HIBADH: variants seen among roughly 807,000 people sequenced by gnomAD.
The protein encoded by HIBADH is 3-hydroxyisobutyrate dehydrogenase, mitochondrial.
HIBADH carries 25 observed loss-of-function variants against 36.1 expected under a neutral mutation model. That is an observed-to-expected ratio of 0.69 (90% CI 0.50 to 0.97). The LOEUF (loss-of-function observed/expected upper bound fraction) is 0.97, where lower values mean the gene tolerates loss of function less well. Among genes scored for constraint, HIBADH ranks in the 50% least tolerant of loss-of-function variants. The pLI, the probability that HIBADH is intolerant of heterozygous loss-of-function variation, is 0.00. For synonymous variants in HIBADH, 160 were observed against 149.5 expected, an observed-to-expected ratio of 1.07 and a Z score of -0.51; for missense variants, 421 against 418.0, an observed-to-expected ratio of 1.01 and a Z score of -0.06.
At chr7:27,572,612 A>T (rs1784645072) in intron 4 of HIBADH, among the ~76,000 whole-genome samples, 1 of 152,228 alleles carries the variant, frequency 6.6e-6, no homozygotes, top group Admixed American at 6.5e-5. Flanking sequence ...GTTAATGAAG[A>T]CTTTCCATGA....
intron 3 of HIBADH, among the ~76,000 whole-genome samples, chr7:27,629,746 T>C (rs1785714408): frequency 6.6e-6 from 1 of 152,192 alleles, no homozygotes; most frequent in South Asian, 2.1e-4. Flanking sequence ...CTACATGGTA[T>C]AAATTCTGAT....
intron 6 of HIBADH, among the ~76,000 whole-genome samples, chr7:27,536,131 C>T (rs927162277): frequency 5.9e-5 from 9 of 152,046 alleles, no homozygotes; most frequent in African/African-American, 9.7e-5. Context: ...AAATCGTGGC[C>T]GTTCTCTATA....
intron 1 of HIBADH, among the ~76,000 whole-genome samples, chr7:27,651,860 T>A (rs140881393): frequency 6.6e-4 from 101 of 152,160 alleles, no homozygotes; most frequent in African/African-American, 2.3e-3. Flanking sequence ...ACAATGCTGA[T>A]GAAAAATGAG....
intron 4 of HIBADH, among the ~76,000 whole-genome samples, chr7:27,551,669 G>T (rs991254439): frequency 1.3e-5 from 2 of 152,158 alleles, no homozygotes; most frequent in East Asian, 1.9e-4. Context: ...TAGAAAGAAG[G>T]CTTCAAATCC....
chr7:27,633,543 C>G (rs1583610529), intron 2 of HIBADH, among the ~76,000 whole-genome samples: 1 of 152,200 alleles, frequency 6.6e-6, no homozygotes, highest in East Asian at 1.9e-4. Context: ...CCAGTAGTCC[C>G]AGCTCCTTGG....
intron 4 of HIBADH, among the ~76,000 whole-genome samples, chr7:27,621,986 C>CCCAGCACTTTGGGAGG (rs200143898): frequency 6.6e-6 from 1 of 151,892 alleles, no homozygotes; most frequent in African/African-American, 2.4e-5. Flanking sequence ...TGGCTGTAAT[C>CCCAGCACTTTGGGAGG]CCAGCACTTT....
chr7:27,547,566 GACA>G (rs1432109535), intron 4 of HIBADH, among the ~76,000 whole-genome samples: 1 of 152,140 alleles, frequency 6.6e-6, no homozygotes, highest in Admixed American at 6.5e-5. Context: ...CAAGGAAACA[GACA>G]ACGACTGTAA....
chr7:27,541,211 A>G (rs1231164248), intron 5 of HIBADH, among the ~76,000 whole-genome samples: 1 of 150,564 alleles, frequency 6.6e-6, no homozygotes, highest in East Asian at 2.0e-4. Context: ...CTTTCTCTTC[A>G]ATGATTTTTT....
chr7:27,633,900 C>T (rs1305994460), intron 2 of HIBADH, among the ~76,000 whole-genome samples: 1 of 152,092 alleles, frequency 6.6e-6, no homozygotes, highest in Non-Finnish European at 1.5e-5. Context: ...AATAGGAATG[C>T]CTCTGCTTTT....
In HIBADH at chr7:27,527,007, T is replaced by C. The variant is rs147950069; in HGVS notation, c.853-635A>G. Reference sequence around the variant, plus strand: ...ACAGACCTGGAGCCAGGTGAAAACATGGGGGTGGCAGGGAGGTGGTGGGCA... The same window carrying C: ...ACAGACCTGGAGCCAGGTGAAAACACGGGGGTGGCAGGGAGGTGGTGGGCA... On this transcript the variant is annotated intron_variant, in intron 7 of 7. Coordinates refer to ENST00000265395, the MANE Select transcript of HIBADH (RefSeq NM_152740.4). Among the ~76,000 whole-genome samples, 494 of 151,856 alleles carry C rather than the reference T, an allele frequency of 3.3e-3. 6 individuals carry two copies. Among genetic ancestry groups the C allele is most frequent in the African/African-American group, 0.011 (465 of 41,398 alleles).
At chr7:27,624,854 A>G (rs999835692) in intron 4 of HIBADH, among the ~76,000 whole-genome samples, 1 of 152,214 alleles carries the variant, frequency 6.6e-6, no homozygotes, top group African/African-American at 2.4e-5. Context: ...TTGTTTTTCC[A>G]GTTGAAGTCA....
At chr7:27,569,438 A>G (rs1243103442) in intron 4 of HIBADH, among the ~76,000 whole-genome samples, 2 of 152,094 alleles carry the variant, frequency 1.3e-5, no homozygotes, top group Admixed American at 1.3e-4. Context: ...CTCCAATTCT[A>G]TGAAGAACAG....
intron 4 of HIBADH, among the ~76,000 whole-genome samples, chr7:27,607,326 G>T (rs182776002): frequency 9.5e-4 from 144 of 152,176 alleles, no homozygotes; most frequent in African/African-American, 3.4e-3. Context: ...TGGCCAACAC[G>T]GTGAAACCAT....
intron 2 of HIBADH, among the ~76,000 whole-genome samples, chr7:27,641,057 G>A (rs1785951493): frequency 6.6e-6 from 1 of 152,120 alleles, no homozygotes; most frequent in South Asian, 2.1e-4. Flanking sequence ...TGAAGGGAGA[G>A]AGGAGCCTGA....
At chr7:27,615,840 T>C (rs1783630836) in intron 4 of HIBADH, among the ~76,000 whole-genome samples, 1 of 152,192 alleles carries the variant, frequency 6.6e-6, no homozygotes, top group Non-Finnish European at 1.5e-5. Flanking sequence ...TCAGGAGGTA[T>C]TCCAGAAGAA....
At chr7:27,600,891 T>C (rs1785120272) in intron 4 of HIBADH, among the ~76,000 whole-genome samples, 2 of 152,144 alleles carry the variant, frequency 1.3e-5, no homozygotes, top group South Asian at 4.1e-4. Flanking sequence ...AAGAAATCTA[T>C]GAGTTATGAA....
intron 2 of HIBADH, among the ~76,000 whole-genome samples, chr7:27,637,521 C>A (rs1418958066): frequency 1.3e-5 from 2 of 152,186 alleles, no homozygotes; most frequent in Non-Finnish European, 2.9e-5. Context: ...TAGAAGCACT[C>A]TTCTTGAAAA....
chr7:27,593,071 A>G (rs1485804090), intron 4 of HIBADH, among the ~76,000 whole-genome samples: 1 of 152,114 alleles, frequency 6.6e-6, no homozygotes, highest in Non-Finnish European at 1.5e-5. Context: ...AAATACTCCT[A>G]TGGTTCAATG....
rs781391730 is a variant in HIBADH, at chr7:27,594,138, G to GTTT, written c.484+35230_484+35232dup. 3.5e-5 allele frequency among the ~76,000 whole-genome samples: 2 copies of GTTT among 57,724 alleles called. 1 individual carries two copies. Among genetic ancestry groups the GTTT allele is most frequent in the Non-Finnish European group, 6.0e-5 (2 of 33,448 alleles). 37.9% of individuals were successfully genotyped at this position (57,724 alleles called of 152,430 possible). The stretch of plus-strand genomic sequence containing the variant: ...AATGTTTAGGTTGTTACATAAAGAT[G>GTTT]TTTTTGTTTTTTTGTTTTTTTTCTG... On this transcript the variant is annotated intron_variant, in intron 4 of 7. Transcript: ENST00000265395.
Sources: gnomAD v4.1 joint callset for allele counts (sites outside exome capture counted in the v4.1 genomes callset) on GRCh38, gnomAD v4.1.1 for gene constraint, MANE v1.5 for transcripts, NCBI Gene and HGNC (gene_info 2026-07-23, HGNC 2026-07-21) for gene names.